The following TCF12 variants were observed in gnomAD, a reference collection of about 807,000 sequenced individuals.
TCF12 encodes transcription factor 12.
A neutral mutation model predicts 86.0 loss-of-function variants in TCF12; 45 were observed. That is an observed-to-expected ratio of 0.52 (90% confidence interval 0.41 to 0.67). The LOEUF (loss-of-function observed/expected upper bound fraction) is 0.67. TCF12 is among the 30% of genes least tolerant of loss of function. The pLI is 0.00. For missense variants in TCF12, 881 were observed against 859.9 expected, an observed-to-expected ratio of 1.02 and a Z score of -0.31; for synonymous variants, 330 against 299.6, an observed-to-expected ratio of 1.10 and a Z score of -1.05.
At chr15:57,080,574 G>A (rs2252289) in intron 4 of TCF12, among the ~76,000 whole-genome samples, 124,279 of 152,158 alleles carry the variant, frequency 0.82, 51,247 homozygotes, top group African/African-American at 0.93. Context: ...CAGAGTCCCT[G>A]AGGAAGATTA....
At chr15:57,165,247 T>C (rs1048733951) in intron 5 of TCF12, among the ~76,000 whole-genome samples, 4 of 152,100 alleles carry the variant, frequency 2.6e-5, no homozygotes, top group East Asian at 1.9e-4. Context: ...TAGGGAAATA[T>C]ATAAACTGGT....
chr15:57,254,069 ATCTT>A, intron 16 of TCF12, among the ~76,000 whole-genome samples: 1 of 152,344 alleles, frequency 6.6e-6, no homozygotes, highest in African/African-American at 2.4e-5. Context: ...TGTGTTTACC[ATCTT>A]ACATTATTTT....
intron 16 of TCF12, among the ~76,000 whole-genome samples, chr15:57,261,091 G>C (rs2060566482): frequency 6.6e-6 from 1 of 152,110 alleles, no homozygotes; most frequent in Admixed American, 6.6e-5. Flanking sequence ...TTTAGAGAAA[G>C]GGTGTAGTGG....
At chr15:57,212,406 C>T (rs1438238976) in intron 8 of TCF12, among the ~76,000 whole-genome samples, 1 of 152,072 alleles carries the variant, frequency 6.6e-6, no homozygotes, top group Non-Finnish European at 1.5e-5. Flanking sequence ...ACCTCAGTCT[C>T]CTAGGTAGCT....
chr15:56,953,606 A>G (rs1381148694), intron 3 of TCF12, among the ~76,000 whole-genome samples: 1 of 152,092 alleles, frequency 6.6e-6, no homozygotes, highest in Admixed American at 6.5e-5. Flanking sequence ...GAATAGTTCC[A>G]GAGCCACGTT....
chr15:57,266,086 A>ATTATTTATTTAT (rs60211131), intron 18 of TCF12, among the ~76,000 whole-genome samples: 5 of 110,190 alleles, frequency 4.5e-5, no homozygotes, highest in South Asian at 6.5e-4. Flanking sequence ...TTTTGTTTTT[A>ATTATTTATTTAT]TTATTTATTT....
At chr15:57,021,271 C>T (rs539092363) in intron 3 of TCF12, among the ~76,000 whole-genome samples, 24 of 152,258 alleles carry the variant, frequency 1.6e-4, no homozygotes, top group African/African-American at 5.8e-4. Flanking sequence ...TTTCTAGCTT[C>T]GAGGGCCAAC....
At chr15:56,954,238 T>C (rs931230088) in intron 3 of TCF12, among the ~76,000 whole-genome samples, 2 of 152,210 alleles carry the variant, frequency 1.3e-5, no homozygotes, top group African/African-American at 2.4e-5. Context: ...TTTCTCTTAC[T>C]GATTTCTAGT....
At chr15:57,086,898 A>G (rs889824603) in intron 4 of TCF12, among the ~76,000 whole-genome samples, 7 of 152,134 alleles carry the variant, frequency 4.6e-5, no homozygotes, top group African/African-American at 1.7e-4. Flanking sequence ...GGATGAGATA[A>G]ATTTTTTAAA....
chr15:57,262,405 T>A (rs1211836934), intron 17 of TCF12, among the ~76,000 whole-genome samples, 197 bp downstream of exon 17: 1 of 152,136 alleles, frequency 6.6e-6, no homozygotes, highest in Non-Finnish European at 1.5e-5. Flanking sequence ...TATTGATGAA[T>A]AGAGCCACGT....
chr15:57,169,943 T>C (rs1289904225), intron 6 of TCF12, among the ~76,000 whole-genome samples: 1 of 152,230 alleles, frequency 6.6e-6, no homozygotes, highest in Non-Finnish European at 1.5e-5. Context: ...TTAATTCTCA[T>C]ATCAAAAGAC....
rs562007865 is a variant in TCF12 at position 57,262,039 on chromosome 15, A to G, written c.1468-55A>G. 73 of 1,208,548 alleles carry G rather than the reference A, an allele frequency of 6.0e-5. No homozygotes were observed. In the Admixed American group the frequency reaches 6.9e-4, roughly 11 times the overall value. 74.9% of individuals were successfully genotyped at this position (1,208,548 alleles called of 1,614,324 possible). A position where few individuals can be genotyped will look rare whatever the true frequency, so the allele number is the denominator to read the frequency against. On this transcript the variant is annotated intron_variant, in intron 16 of 20. Coordinates refer to ENST00000333725, the MANE Select transcript of TCF12 (RefSeq NM_207037.2). ...ACCTAGTAAAATAATTTGGACAGTT[A>G]TTGCCTCTGAACTATCTTAATCTTT...
intron 7 of TCF12, among the ~76,000 whole-genome samples, chr15:57,194,447 T>G (rs1401093161): frequency 6.6e-6 from 1 of 152,172 alleles, no homozygotes; most frequent in African/African-American, 2.4e-5. Flanking sequence ...AAATGTCATT[T>G]AGTGGGTTCT....
intron 3 of TCF12, among the ~76,000 whole-genome samples, chr15:57,010,764 A>G (rs1207251486): frequency 2.0e-5 from 3 of 152,198 alleles, no homozygotes; most frequent in South Asian, 2.1e-4. Flanking sequence ...GTCTAGTTCT[A>G]GAAAATGTTT....
At chr15:56,935,561 T>C (rs1477437003) in intron 3 of TCF12, among the ~76,000 whole-genome samples, 1 of 152,124 alleles carries the variant, frequency 6.6e-6, no homozygotes, top group African/African-American at 2.4e-5. Flanking sequence ...TTGTGAGATT[T>C]TGGTGCACCC....
rs368348821 is a variant in TCF12, at chr15:57,137,809, A to G, written c.326-28593A>G. Among the ~76,000 whole-genome samples, 22 of 152,282 alleles carry G rather than the reference A, an allele frequency of 1.4e-4. No individual in the cohort carries two copies. The South Asian group carries it at 3.9e-3, about 27-fold the overall frequency. On this transcript the variant is annotated intron_variant, in intron 5 of 20. Transcript: ENST00000333725. ...TTTGAGAGGCCAAGGCTGGCGGATC[A>G]CGAGATCAGGAGTTCGAAACCAGCC...
intron 3 of TCF12, among the ~76,000 whole-genome samples, chr15:56,945,614 T>A (rs1304092127): frequency 6.6e-6 from 1 of 152,154 alleles, no homozygotes; most frequent in East Asian, 1.9e-4. Context: ...TCTGCAATAA[T>A]GATCTTTATT....
chr15:57,267,090 C>A (rs2060905797), intron 18 of TCF12, among the ~76,000 whole-genome samples: 1 of 152,114 alleles, frequency 6.6e-6, no homozygotes, highest in African/African-American at 2.4e-5. Flanking sequence ...TTGTGGTACA[C>A]CCTATTTCTT....
chr15:57,160,364 G>T (rs1465615882), intron 5 of TCF12, among the ~76,000 whole-genome samples: 1 of 152,110 alleles, frequency 6.6e-6, no homozygotes, highest in Non-Finnish European at 1.5e-5. Context: ...GATCTCATGA[G>T]AACTCACCAT....
Sources: gnomAD v4.1 joint callset for allele counts (sites outside exome capture counted in the v4.1 genomes callset) on GRCh38, gnomAD v4.1.1 for gene constraint, MANE v1.5 for transcripts, NCBI Gene and HGNC (gene_info 2026-07-23, HGNC 2026-07-21) for gene names.